Variants in SUGCT observed in about 807,000 individuals in gnomAD.
SUGCT encodes the protein succinyl-CoA:glutarate-CoA transferase.
In SUGCT, 41 loss-of-function variants were observed where a neutral mutation model predicts 55.0. The ratio of observed to expected loss-of-function variants is 0.74; its 90% CI spans 0.58 to 0.97. The LOEUF is 0.97. Among genes scored for constraint, SUGCT ranks in the 50% least tolerant of loss-of-function variants. The probability of loss-of-function intolerance (pLI) is 0.00; values close to 1 mark genes in which losing one functional copy is unlikely to be tolerated. For synonymous variants in SUGCT, 187 were observed against 200.4 expected, an observed-to-expected ratio of 0.93 and a Z score of 0.56; for missense variants, 568 against 547.8, an observed-to-expected ratio of 1.04 and a Z score of -0.37.
intron 9 of SUGCT, among the ~76,000 whole-genome samples, chr7:40,370,100 T>C (rs1255094692): frequency 6.6e-6 from 1 of 152,180 alleles, no homozygotes; most frequent in Non-Finnish European, 1.5e-5. Flanking sequence ...GTTTACCCAC[T>C]AGTGGGAATG....
chr7:40,635,101 C>A (rs1799961201), intron 12 of SUGCT, among the ~76,000 whole-genome samples: 1 of 152,062 alleles, frequency 6.6e-6, no homozygotes, highest in Non-Finnish European at 1.5e-5. Context: ...GCCTGGCCAA[C>A]ATGGTAAAAC....
chr7:40,364,239 A>G (rs371705047), intron 9 of SUGCT, among the ~76,000 whole-genome samples: 5 of 152,088 alleles, frequency 3.3e-5, no homozygotes, highest in Admixed American at 1.3e-4. Context: ...TCTGAATACA[A>G]CACACTGATG....
chr7:40,320,173 C>T (rs1382178719), intron 9 of SUGCT, among the ~76,000 whole-genome samples: 1 of 151,206 alleles, frequency 6.6e-6, no homozygotes, highest in Non-Finnish European at 1.5e-5. Flanking sequence ...GTGGCGTGAT[C>T]TTGGCTTACT....
intron 7 of SUGCT, among the ~76,000 whole-genome samples, chr7:40,250,078 C>T (rs1365981111): frequency 1.3e-5 from 2 of 152,036 alleles, no homozygotes; most frequent in South Asian, 2.1e-4. Context: ...TGAGCCACTG[C>T]GCCCGGCTTA....
At chr7:40,359,052 C>T (rs1432093424) in intron 9 of SUGCT, among the ~76,000 whole-genome samples, 1 of 152,146 alleles carries the variant, frequency 6.6e-6, no homozygotes, top group East Asian at 1.9e-4. Context: ...AGTTTTTAGT[C>T]ATCACTTTTG....
chr7:40,367,876 C>T (rs906109624), intron 9 of SUGCT, among the ~76,000 whole-genome samples: 5 of 152,170 alleles, frequency 3.3e-5, no homozygotes, highest in Admixed American at 3.3e-4. Flanking sequence ...GCCTTCCTGG[C>T]CCTTGCCATC....
At chr7:40,794,890 A>C (rs1224108422) in intron 13 of SUGCT, among the ~76,000 whole-genome samples, 1 of 152,090 alleles carries the variant, frequency 6.6e-6, no homozygotes, top group Non-Finnish European at 1.5e-5. Context: ...TCATTCTTCA[A>C]TTTTTATTTC....
chr7:40,406,144 G>C (rs1786359297), intron 9 of SUGCT, among the ~76,000 whole-genome samples: 1 of 152,134 alleles, frequency 6.6e-6, no homozygotes, highest in Non-Finnish European at 1.5e-5. Context: ...AAATCATAGG[G>C]AGCTGAAGCT....
intron 12 of SUGCT, among the ~76,000 whole-genome samples, chr7:40,659,421 G>T (rs1706512971): frequency 6.6e-6 from 1 of 152,152 alleles, no homozygotes; most frequent in Non-Finnish European, 1.5e-5. Flanking sequence ...TAGTAGAGCT[G>T]CCTGAGCGTC....
At chr7:40,817,411 G>A (rs1232005150) in intron 13 of SUGCT, among the ~76,000 whole-genome samples, 3 of 152,178 alleles carry the variant, frequency 2.0e-5, no homozygotes, top group Admixed American at 6.5e-5. Context: ...GAGGCCGGGA[G>A]TAGTGAAGAC....
intron 9 of SUGCT, among the ~76,000 whole-genome samples, chr7:40,397,576 T>C (rs1442624120): frequency 6.6e-6 from 1 of 152,218 alleles, no homozygotes; most frequent in Non-Finnish European, 1.5e-5. Flanking sequence ...AGGGACATTA[T>C]ATCCAGTCTA....
chr7:40,774,919 C>T (rs1789375568), intron 13 of SUGCT, among the ~76,000 whole-genome samples: 1 of 152,004 alleles, frequency 6.6e-6, no homozygotes, highest in Non-Finnish European at 1.5e-5. Flanking sequence ...TTATTCACAT[C>T]TTTTTAATTG....
intron 12 of SUGCT, among the ~76,000 whole-genome samples, chr7:40,694,153 T>G (rs1784819646): frequency 6.6e-6 from 1 of 152,202 alleles, no homozygotes; most frequent in Non-Finnish European, 1.5e-5. Flanking sequence ...CTATTTTCGT[T>G]TTCCGTTTTG....
intron 13 of SUGCT, among the ~76,000 whole-genome samples, chr7:40,781,112 C>T (rs548154029): frequency 2.0e-5 from 3 of 152,120 alleles, no homozygotes; most frequent in Non-Finnish European, 4.4e-5. Flanking sequence ...GTTACAATCT[C>T]CTTCTCCTTG....
rs114091010 is a variant in SUGCT at position 40,838,472 on chromosome 7, G to C, written c.1154-21844G>C. On this transcript the variant is annotated intron_variant, in intron 13 of 13. Coordinates refer to ENST00000335693, the MANE Select transcript of SUGCT (RefSeq NM_001193313.2). ...TTTGTAATGTTCAGCATACTTAAAA[G>C]CTTTGTTAATTTTATACCTATTTCA... is the stretch of plus-strand genomic sequence containing the variant. Among the ~76,000 whole-genome samples the C allele has an allele frequency of 2.2e-3, 335 of 152,262 alleles. 3 individuals carry two copies. Among genetic ancestry groups the C allele is most frequent in the African/African-American group, 7.5e-3 (313 of 41,568 alleles).
intron 9 of SUGCT, among the ~76,000 whole-genome samples, chr7:40,371,765 G>A (rs747296004): frequency 6.6e-6 from 1 of 151,852 alleles, no homozygotes; most frequent in Non-Finnish European, 1.5e-5. Context: ...CATCAATATT[G>A]TTCTGATCTT....
At chr7:40,704,336 G>C (rs1035724529) in intron 12 of SUGCT, among the ~76,000 whole-genome samples, 1 of 152,184 alleles carries the variant, frequency 6.6e-6, no homozygotes, top group Non-Finnish European at 1.5e-5. Context: ...ATCTGTGGGA[G>C]TATGCAGATG....
At chr7:40,311,838 A>G (rs1468865937) in intron 8 of SUGCT, among the ~76,000 whole-genome samples, 1 of 152,162 alleles carries the variant, frequency 6.6e-6, no homozygotes, top group Non-Finnish European at 1.5e-5. Flanking sequence ...AGTAATTACC[A>G]TTTTCATTCA....
intron 9 of SUGCT, among the ~76,000 whole-genome samples, chr7:40,440,565 A>G (rs763554702): frequency 6.6e-6 from 1 of 152,092 alleles, no homozygotes; most frequent in Non-Finnish European, 1.5e-5. Context: ...AAGCATCATC[A>G]TGACACCTTT....
Sources: allele counts gnomAD v4.1 joint callset (sites outside exome capture counted in the v4.1 genomes callset), GRCh38; gene constraint gnomAD v4.1.1; transcripts MANE v1.5; gene names NCBI Gene and HGNC (gene_info 2026-07-23, HGNC 2026-07-21).